The following PLCL1 variants were observed in gnomAD, a reference collection of about 807,000 sequenced individuals.
The protein encoded by PLCL1 is inactive phospholipase C-like protein 1.
Under a neutral mutation model 84.4 loss-of-function variants are expected in PLCL1, and 41 were observed. The ratio of observed to expected loss-of-function variants is 0.49; its 90% CI spans 0.38 to 0.63. PLCL1 has a LOEUF of 0.63. Ranked by LOEUF, PLCL1 falls within the 30% of genes least tolerant of loss-of-function variation. The pLI is 0.00. For missense variants in PLCL1, 1,206 were observed against 1,367.8 expected, an observed-to-expected ratio of 0.88 and a Z score of 1.87; for synonymous variants, 490 against 488.3, an observed-to-expected ratio of 1.00 and a Z score of -0.05.
chr2:198,007,369 C>A (rs1470896484), intron 1 of PLCL1, among the ~76,000 whole-genome samples: 1 of 151,970 alleles, frequency 6.6e-6, no homozygotes, highest in African/African-American at 2.4e-5. Context: ...CTTCTGATAA[C>A]CTACTGGCTG....
intron 1 of PLCL1, among the ~76,000 whole-genome samples, chr2:198,028,411 A>G (rs1691324879): frequency 6.6e-6 from 1 of 152,116 alleles, no homozygotes; most frequent in South Asian, 2.1e-4. Flanking sequence ...TTATGGATAT[A>G]TGTAAATACT....
chr2:197,928,554 A>G (rs1294918575), intron 1 of PLCL1, among the ~76,000 whole-genome samples: 1 of 152,166 alleles, frequency 6.6e-6, no homozygotes, highest in East Asian at 1.9e-4. Flanking sequence ...GAAATGGATT[A>G]TTATTTTGAA....
rs1245707902 is a variant in PLCL1, at chr2:198,063,052, A to G, written c.241-20706A>G. ...ACTGTGGGGACCACTGATGTAGTGG[A>G]AAGAATGTAGTCTTGAGATGAGACA... On this transcript the variant is annotated intron_variant, in intron 1 of 5. Transcript: ENST00000428675. 5.3e-5 allele frequency among the ~76,000 whole-genome samples: 8 copies of G among 152,332 alleles called. No individual in the cohort carries two copies. The East Asian group carries it at 1.5e-3, about 29-fold the overall frequency.
At chr2:198,117,306 G>A (rs1693767858) in intron 5 of PLCL1, among the ~76,000 whole-genome samples, 1 of 150,494 alleles carries the variant, frequency 6.6e-6, no homozygotes, top group Non-Finnish European at 1.5e-5. Context: ...CAGAAATATG[G>A]GTCTCTATCA....
intron 1 of PLCL1, among the ~76,000 whole-genome samples, chr2:197,982,858 C>T (rs1282283733): frequency 6.6e-6 from 1 of 152,146 alleles, no homozygotes; most frequent in Non-Finnish European, 1.5e-5. Flanking sequence ...AGAACAGCCT[C>T]AACAATTTGT....
At chr2:198,045,032 A>T (rs755978575) in intron 1 of PLCL1, among the ~76,000 whole-genome samples, 33 of 152,218 alleles carry the variant, frequency 2.2e-4, no homozygotes, top group Non-Finnish European at 4.3e-4. Flanking sequence ...TGTGGTTGCA[A>T]TGAGTAAAGT....
At chr2:197,917,423 A>G (rs1445731171) in intron 1 of PLCL1, among the ~76,000 whole-genome samples, 1 of 152,260 alleles carries the variant, frequency 6.6e-6, no homozygotes, top group East Asian at 1.9e-4. Context: ...ATATTCTGGA[A>G]AAGTGACTGT....
At chr2:197,841,154 G>T (rs1327166008) in intron 1 of PLCL1, among the ~76,000 whole-genome samples, 1 of 152,012 alleles carries the variant, frequency 6.6e-6, no homozygotes, top group Non-Finnish European at 1.5e-5. Flanking sequence ...TGATACATTT[G>T]TTACTTTGAT....
At chr2:198,071,190 G>T (rs1692456865) in intron 1 of PLCL1, among the ~76,000 whole-genome samples, 1 of 151,338 alleles carries the variant, frequency 6.6e-6, no homozygotes, top group South Asian at 2.1e-4. Context: ...GGCTGTATAG[G>T]ATCCTGTTAC....
chr2:198,059,961 G>A (rs1242798312), intron 1 of PLCL1, among the ~76,000 whole-genome samples: 1 of 152,158 alleles, frequency 6.6e-6, no homozygotes, highest in Non-Finnish European at 1.5e-5. Context: ...GGCAGCGCAA[G>A]GTTATCTGGC....
chr2:198,021,179 A>T (rs192509831), intron 1 of PLCL1, among the ~76,000 whole-genome samples: 2 of 152,316 alleles, frequency 1.3e-5, no homozygotes, highest in East Asian at 3.9e-4. Context: ...AGGCAGAAAT[A>T]AATAAGTTCT....
At chr2:198,113,394 T>C (rs1693668334) in intron 5 of PLCL1, among the ~76,000 whole-genome samples, 1 of 151,946 alleles carries the variant, frequency 6.6e-6, no homozygotes. Context: ...TGCTTGGGAA[T>C]GTACTGGTGA....
chr2:198,130,576 G>A (rs1694096725), intron 5 of PLCL1, among the ~76,000 whole-genome samples: 1 of 152,036 alleles, frequency 6.6e-6, no homozygotes, highest in Non-Finnish European at 1.5e-5. Flanking sequence ...CTCAGCCACA[G>A]CAAGGTCGGC....
At chr2:197,885,372 G>A (rs1474025746) in intron 1 of PLCL1, among the ~76,000 whole-genome samples, 1 of 152,138 alleles carries the variant, frequency 6.6e-6, no homozygotes, top group Non-Finnish European at 1.5e-5. Flanking sequence ...TGAAGGCAAG[G>A]GAAGATGAAA....
At chr2:197,914,959 T>C (rs1164877858) in intron 1 of PLCL1, among the ~76,000 whole-genome samples, 1 of 152,174 alleles carries the variant, frequency 6.6e-6, no homozygotes, top group Non-Finnish European at 1.5e-5. Context: ...TCCTCATAAA[T>C]AACCTGGAAC....
At chr2:197,960,409 G>A (rs956508071) in intron 1 of PLCL1, among the ~76,000 whole-genome samples, 1 of 152,078 alleles carries the variant, frequency 6.6e-6, no homozygotes, top group Non-Finnish European at 1.5e-5. Flanking sequence ...ATTTTACATA[G>A]CCTCATTACT....
intron 1 of PLCL1, among the ~76,000 whole-genome samples, chr2:197,888,811 T>A (rs1326179238): frequency 2.0e-5 from 3 of 152,136 alleles, no homozygotes; most frequent in African/African-American, 7.2e-5. Flanking sequence ...GCTGATTCCA[T>A]AATTAAGGAA....
At chr2:198,111,081 T>C (rs1574320172) in intron 5 of PLCL1, among the ~76,000 whole-genome samples, 1 of 151,862 alleles carries the variant, frequency 6.6e-6, no homozygotes, top group East Asian at 1.9e-4. Context: ...TAGCTCTGTG[T>C]CTTTGGGAAA....
At chr2:198,039,657 T>C (rs1257841109) in intron 1 of PLCL1, among the ~76,000 whole-genome samples, 1 of 152,178 alleles carries the variant, frequency 6.6e-6, no homozygotes, top group Non-Finnish European at 1.5e-5. Flanking sequence ...TTTGTTTCCT[T>C]AGATCAATTT....
Sources: gnomAD v4.1 joint callset for allele counts (sites outside exome capture counted in the v4.1 genomes callset) on GRCh38, gnomAD v4.1.1 for gene constraint, MANE v1.5 for transcripts, NCBI Gene and HGNC (gene_info 2026-07-23, HGNC 2026-07-21) for gene names.